The following BICD1 variants were observed in gnomAD, a reference collection of about 807,000 sequenced individuals.
BICD1 encodes BICD cargo adaptor 1, also known as protein bicaudal D homolog 1.
A neutral mutation model predicts 92.5 loss-of-function variants in BICD1; 35 were observed. That is an observed-to-expected ratio of 0.38 (90% confidence interval 0.29 to 0.50). BICD1 has a LOEUF of 0.50. BICD1 is among the 20% of genes least tolerant of loss of function. The pLI, the probability that BICD1 is intolerant of heterozygous loss-of-function variation, is 0.93. For synonymous variants in BICD1, 429 were observed against 465.1 expected (o/e 0.92, Z 1.00); for missense variants, 950 against 1,189.8 (o/e 0.80, Z 2.97).
At chr12:32,178,317 A>T (rs1297342077) in intron 1 of BICD1, among the ~76,000 whole-genome samples, 2 of 151,962 alleles carry the variant, frequency 1.3e-5, no homozygotes, top group Non-Finnish European at 2.9e-5. Context: ...AGATGCAGGT[A>T]TGAGTGTTAA....
At chr12:32,151,146 T>C (rs1316081067) in intron 1 of BICD1, among the ~76,000 whole-genome samples, 1 of 152,128 alleles carries the variant, frequency 6.6e-6, no homozygotes, top group African/African-American at 2.4e-5. Flanking sequence ...ATACTGAGAT[T>C]TATATGATTA....
At chr12:32,228,240 CT>C (rs1945763645) in intron 2 of BICD1, 2 of 152,580 alleles carry the variant, frequency 1.3e-5, no homozygotes, top group Non-Finnish European at 2.9e-5. Context: ...ATTGAGGTTC[CT>C]TTTTTTGGCA....
chr12:32,263,677 T>C (rs1001767786), intron 2 of BICD1, among the ~76,000 whole-genome samples: 9 of 152,194 alleles, frequency 5.9e-5, no homozygotes, highest in African/African-American at 2.2e-4. Context: ...GGCAATAAGG[T>C]ACTCCAAAAG....
chr12:32,120,898 A>G (rs1184577054), intron 1 of BICD1, among the ~76,000 whole-genome samples: 1 of 79,108 alleles, frequency 1.3e-5, no homozygotes, highest in Non-Finnish European at 2.4e-5. Context: ...AGAGAGAGAA[A>G]AAAAAAAGGA....
chr12:32,219,272 G>T (rs1031844074), intron 2 of BICD1, among the ~76,000 whole-genome samples: 1 of 152,252 alleles, frequency 6.6e-6, no homozygotes, highest in Non-Finnish European at 1.5e-5. Context: ...GTGTGTGTGC[G>T]TGCATATATG....
chr12:32,126,305 G>A (rs957857598), intron 1 of BICD1, among the ~76,000 whole-genome samples: 5 of 151,994 alleles, frequency 3.3e-5, no homozygotes, highest in Non-Finnish European at 7.4e-5. Flanking sequence ...CTCTCACCAC[G>A]GTTTGCAGAC....
chr12:32,262,406 C>T (rs11831258), intron 2 of BICD1, among the ~76,000 whole-genome samples: 21,184 of 152,018 alleles, frequency 0.14, 2,590 homozygotes, highest in African/African-American at 0.32. Context: ...CTTCACCATC[C>T]GTTCCTTTCA....
chr12:32,270,934 TG>T (rs1304247694), intron 2 of BICD1, among the ~76,000 whole-genome samples: 1 of 152,128 alleles, frequency 6.6e-6, no homozygotes, highest in Admixed American at 6.5e-5. Flanking sequence ...GTGTGTTCAG[TG>T]GGGTCTTCAA....
At position 32,315,028 on chromosome 12, in the gene BICD1, C is replaced by G. The variant is rs370555722; in HGVS notation, c.1005+8906C>G. The stretch of plus-strand genomic sequence containing the variant: ...TTTTGGTGTCATACAAAACTGTTGT[C>G]TAATCTAAGGTCATGAACATTCATG... On this transcript the variant is annotated intron_variant, in intron 4 of 9. Transcript: ENST00000652176. Among the ~76,000 whole-genome samples the G allele has an allele frequency of 7.7e-4, 117 of 152,230 alleles. 1 individual carries two copies. In the South Asian group the frequency reaches 0.023, roughly 30 times the overall value.
intron 1 of BICD1, among the ~76,000 whole-genome samples, chr12:32,201,505 G>A (rs1184161348): frequency 6.6e-6 from 1 of 151,948 alleles, no homozygotes; most frequent in Non-Finnish European, 1.5e-5. Context: ...GGGGAGCAGG[G>A]AAAATTAGGG....
chr12:32,153,538 C>G (rs1176560385), intron 1 of BICD1, among the ~76,000 whole-genome samples: 1 of 152,136 alleles, frequency 6.6e-6, no homozygotes, highest in African/African-American at 2.4e-5. Context: ...GGGTGGATCA[C>G]TGGAGCTCAC....
At chr12:32,275,803 C>G (rs527494426) in intron 2 of BICD1, among the ~76,000 whole-genome samples, 1 of 152,106 alleles carries the variant, frequency 6.6e-6, no homozygotes, top group Non-Finnish European at 1.5e-5. Context: ...ATTGTTCCTG[C>G]ACGGCTAAGT....
intron 6 of BICD1, among the ~76,000 whole-genome samples, chr12:32,336,527 ATCAG>A (rs1275285435): frequency 6.6e-6 from 1 of 152,188 alleles, no homozygotes; most frequent in Non-Finnish European, 1.5e-5. Context: ...ATTCAGGCAA[ATCAG>A]TCAAATTGAC....
At chr12:32,359,004 CA>C (rs1939222828) in intron 8 of BICD1, among the ~76,000 whole-genome samples, 1 of 152,058 alleles carries the variant, frequency 6.6e-6, no homozygotes, top group Admixed American at 6.5e-5. Flanking sequence ...AGAACATGGC[CA>C]GGTTTGCAGA....
chr12:32,339,769 A>T (rs1272801582), intron 8 of BICD1: 1 of 985,324 alleles, frequency 1.0e-6, no homozygotes, highest in African/African-American at 1.7e-5. Context: ...GCTTAAAGGC[A>T]GCTGTTATTT....
chr12:32,255,247 A>T (rs1301836120), intron 2 of BICD1, among the ~76,000 whole-genome samples: 1 of 152,048 alleles, frequency 6.6e-6, no homozygotes, highest in Non-Finnish European at 1.5e-5. Context: ...CACTGATCCC[A>T]TCATCCCCCA....
chr12:32,224,659 G>C (rs1479224882), intron 2 of BICD1, among the ~76,000 whole-genome samples: 1 of 152,148 alleles, frequency 6.6e-6, no homozygotes, highest in African/African-American at 2.4e-5. Flanking sequence ...GGATTAGTTT[G>C]CAATTCAGGC....
rs947385813 is a variant in BICD1 at position 32,232,389 on chromosome 12, C to T, written c.426+15930C>T. Among the ~76,000 whole-genome samples, 4 of 152,010 alleles carry T rather than the reference C, an allele frequency of 2.6e-5. No homozygotes were observed. The East Asian group carries it at 7.7e-4, about 29-fold the overall frequency. On this transcript the variant is annotated intron_variant, in intron 2 of 9. Coordinates refer to ENST00000652176, the MANE Select transcript of BICD1 (RefSeq NM_001714.4). ...TTTTTGGCTGCATAAATGTCTTCTT[C>T]TGAGAAGTGTCTGTTCATGTCCTTC...
At chr12:32,177,174 G>T (rs1944114506) in intron 1 of BICD1, among the ~76,000 whole-genome samples, 1 of 151,696 alleles carries the variant, frequency 6.6e-6, no homozygotes, top group South Asian at 2.1e-4. Flanking sequence ...AATTAGCCAG[G>T]CGTGGTGGTG....
Sources: allele counts gnomAD v4.1 joint callset (sites outside exome capture counted in the v4.1 genomes callset), GRCh38; gene constraint gnomAD v4.1.1; transcripts MANE v1.5; gene names NCBI Gene and HGNC (gene_info 2026-07-23, HGNC 2026-07-21).